SZT2: variants seen among roughly 807,000 people sequenced by gnomAD.
SZT2 encodes the protein SZT2 subunit of KICSTOR complex, also known as KICSTOR complex protein SZT2.
A neutral mutation model predicts 404.2 loss-of-function variants in SZT2; 216 were observed. The observed-to-expected ratio is 0.53, with a 90% CI of 0.48 to 0.60. The LOEUF is 0.60. Ranked by LOEUF, SZT2 falls within the 20% of genes least tolerant of loss-of-function variation. The probability of loss-of-function intolerance (pLI) is 0.00; values close to 1 mark genes in which losing one functional copy is unlikely to be tolerated. For synonymous variants in SZT2, 1,693 were observed against 1,749.9 expected, an observed-to-expected ratio of 0.97 and a Z score of 0.81; for missense variants, 3,857 against 4,459.2, an observed-to-expected ratio of 0.86 and a Z score of 3.85.
In SZT2 at chr1:43,448,741, G is replaced by C. The variant is rs1327504685; in HGVS notation, c.10086+13G>C. The C allele has an allele frequency of 3.1e-6, 5 of 1,609,332 alleles. No individual in the cohort carries two copies. The highest frequency in any genetic ancestry group is 2.7e-5 in the African/African-American group (2 of 74,818). ...AACTCAGTACCTGGTAAGTCCCCTT[G>C]AGCTTCCTCTGAAAAGGGAAACACA... On this transcript the variant is annotated intron_variant, in intron 70 of 71. Coordinates refer to ENST00000634258, the MANE Select transcript of SZT2 (RefSeq NM_001365999.1). The surrounding 1 kb of genome is among the most constrained non-coding windows in gnomAD (Gnocchi z 4.2).
At chr1:43,429,589 A>G in intron 28 of SZT2, 114 bp from the exon 29 acceptor site, 1 of 1,335,662 alleles carries the variant, frequency 7.5e-7, no homozygotes, top group East Asian at 2.3e-5. Flanking sequence ...CCATTACGCT[A>G]AGTACTCTTC....
rs370642850 is a variant in SZT2 at position 43,439,209 on chromosome 1, C to T, written c.6792+116C>T. ...ACCTTTGCCCATGGACCTGGGTACA[C>T]CCATGCCCCCCCGGGGACCATTATT... On this transcript the variant is annotated intron_variant, in intron 48 of 71. Coordinates refer to ENST00000634258, the MANE Select transcript of SZT2 (RefSeq NM_001365999.1). This position sits in a 1 kb window ranked among gnomAD's most constrained non-coding sequence, Gnocchi z 4.2. 30 of 1,538,416 alleles carry T rather than the reference C, an allele frequency of 2.0e-5. No individual in the cohort carries two copies. The African/African-American group carries it at 3.9e-4, about 20-fold the overall frequency.
rs761294812 is a variant in SZT2 at position 43,442,121 on chromosome 1, A to G, written c.7864A>G (p.Thr2622Ala). 2.3e-5 allele frequency: 29 copies of G among 1,243,090 alleles called. No homozygotes were observed. Among genetic ancestry groups the G allele is most frequent in the African/African-American group, 3.1e-5 (2 of 63,952 alleles). The allele number at this position is 1,243,090 out of a possible 1,614,324, so 77.0% of individuals were successfully genotyped here. Residue 2622 changes from threonine to alanine, a missense_variant, in exon 56 of 72, where the codon ACA becomes GCA. Physicochemically the swap from Thr to Ala is moderately conservative, Grantham distance 58. Transcript: ENST00000634258. The surrounding 1 kb of genome is among the most constrained non-coding windows in gnomAD (Gnocchi z 4.5). Reference sequence around the variant, plus strand: ...GAACTTCTTGCAGTGGAGGAGACCAACACAGCAGGGTGAGGGCATGGCCCG... The same window carrying G: ...GAACTTCTTGCAGTGGAGGAGACCAGCACAGCAGGGTGAGGGCATGGCCCG... ...GRNFLQWRRP[T>A]QQAAKAMQRF...
Position 43,430,493 on chromosome 1 carries a change from T to C in SZT2, c.4481-3T>C. On this transcript the variant is annotated splice_polypyrimidine_tract_variant and splice_region_variant and intron_variant, in intron 31 of 71. Transcript: ENST00000634258. ...TCATTGACCATGTGACATGCACTAC[T>C]AGGAGACACATCTGCCTGCTGTGTG... 1 of 1,613,752 alleles carries C rather than the reference T, an allele frequency of 6.2e-7. No homozygotes were observed. The highest frequency in any genetic ancestry group is 8.5e-7 in the Non-Finnish European group (1 of 1,179,728).
chr1:43,416,082 A>G lies in SZT2; in HGVS notation c.753A>G (p.Leu251=), dbSNP rs914015946. 1.9e-5 allele frequency: 31 copies of G among 1,598,238 alleles called. No homozygotes were observed. The highest frequency in any genetic ancestry group is 2.5e-5 in the Non-Finnish European group (30 of 1,179,762). The stretch of plus-strand genomic sequence containing the variant: ...AGGGCATCTTGGCACTGCAGTTACT[A>G]CCCTCGAACTCTAGTGCAGGTCAGT... ...IRQGILALQL[L]PSNSSAGIIV... is the part of the protein sequence containing the mutation. The change falls in exon 6 of 72, where the codon CTA becomes CTG. Residue 251 remains leucine (L), a synonymous_variant. Coordinates refer to ENST00000634258, the MANE Select transcript of SZT2 (RefSeq NM_001365999.1).
intron 52 of SZT2, 54 bp downstream of exon 52, chr1:43,440,640 C>G: frequency 6.7e-7 from 1 of 1,492,596 alleles, no homozygotes; most frequent in Non-Finnish European, 8.9e-7. Context: ...CCTCCTAGCT[C>G]CTCCCACACT....
At chr1:43,403,407 G>A (rs1356008935) in intron 2 of SZT2, 105 bp downstream of exon 2, 2 of 1,490,086 alleles carry the variant, frequency 1.3e-6, no homozygotes, top group Admixed American at 2.3e-5. Flanking sequence ...CTTAAGTCTG[G>A]TTAGGGCAAG....
Position 43,435,284 on chromosome 1 carries a change from G to T in SZT2, c.5989G>T (p.Glu1997Ter). The T allele has an allele frequency of 6.2e-7, 1 of 1,614,210 alleles. No homozygotes were observed. The highest frequency in any genetic ancestry group is 8.5e-7 in the Non-Finnish European group (1 of 1,180,034). ...AESEEDLWRS[E>*]TPFHSRQRAP... Reference sequence around the variant, plus strand: ...GAGTGAAGAAGATCTGTGGCGCAGTGAGACTCCCTTCCACTCCCGTCAGCG... The same window carrying T: ...GAGTGAAGAAGATCTGTGGCGCAGTTAGACTCCCTTCCACTCCCGTCAGCG... The change falls in exon 42 of 72, where the codon GAG (glutamate) becomes TAG (stop). Residue 1997 changes from glutamate to a stop codon, truncating the protein, a stop_gained. Coordinates refer to ENST00000634258, the MANE Select transcript of SZT2 (RefSeq NM_001365999.1). LOFTEE classifies it high-confidence loss of function.
At chr1:43,419,475 T>G (rs555500611) in intron 7 of SZT2, among the ~76,000 whole-genome samples, 1 of 152,174 alleles carries the variant, frequency 6.6e-6, no homozygotes, top group Admixed American at 6.5e-5. Flanking sequence ...CCAAAATCTT[T>G]AGTGAAGGAG....
chr1:43,444,744 C>T (rs1655478010), intron 62 of SZT2, among the ~76,000 whole-genome samples: 1 of 152,192 alleles, frequency 6.6e-6, no homozygotes, highest in Non-Finnish European at 1.5e-5. Flanking sequence ...CTCTATGTTC[C>T]TCTCCAGATT....
Position 43,437,368 on chromosome 1 carries a change from G to A in SZT2, c.6188-38G>A, listed in dbSNP as rs1432874291. Reference sequence around the variant, plus strand: ...GGGCAGGTGAGCATTGGAAGGATCTGGAAAAGGCAGTTTCCTGAGCCCATG... The same window carrying A: ...GGGCAGGTGAGCATTGGAAGGATCTAGAAAAGGCAGTTTCCTGAGCCCATG... On this transcript the variant is annotated intron_variant, in intron 43 of 71. Coordinates refer to ENST00000634258, the MANE Select transcript of SZT2 (RefSeq NM_001365999.1). The surrounding 1 kb of genome is among the most constrained non-coding windows in gnomAD (Gnocchi z 5.3). 4 of 1,614,096 alleles carry A rather than the reference G, an allele frequency of 2.5e-6. No homozygotes were observed. The Admixed American group carries it at 5.0e-5, about 20-fold the overall frequency.
At chr1:43,414,937 T>G in intron 4 of SZT2, 145 bp from the exon 5 acceptor site, 1 of 967,794 alleles carries the variant, frequency 1.0e-6, no homozygotes, top group Non-Finnish European at 1.5e-6. Context: ...AAGGGGGAAA[T>G]TGGCTGTGGA....
chr1:43,453,367 G>T lies in SZT2; in HGVS notation c.*2887G>T. The T allele has an allele frequency of 6.7e-7, 1 of 1,491,866 alleles. No homozygotes were observed. Among genetic ancestry groups the T allele is most frequent in the Non-Finnish European group, 9.1e-7 (1 of 1,096,902 alleles). The allele number at this position is 1,491,866 out of a possible 1,614,324, so 92.4% of individuals were successfully genotyped here. ...AGGGTCATGGGTCACAGGGGTGGGG[G>T]TGGGGTGGAGCGGGGTACCTGGGAC... On this transcript the variant is annotated 3_prime_UTR_variant, in exon 72 of 72. Transcript: ENST00000634258.
In SZT2 at chr1:43,426,206, A is replaced by G; in HGVS notation, c.3043+55A>G. ...CACCTAAAGGGCCAGCAAGCCTGGA[A>G]GTATTAGAAAATAACAAACAGATGG... On this transcript the variant is annotated intron_variant, in intron 21 of 71. Transcript: ENST00000634258. The surrounding 1 kb of genome is among the most constrained non-coding windows in gnomAD (Gnocchi z 4.9). 1 of 1,580,976 alleles carries G rather than the reference A, an allele frequency of 6.3e-7. No individual in the cohort carries two copies. The highest frequency in any genetic ancestry group is 8.6e-7 in the Non-Finnish European group (1 of 1,157,854).
Position 43,423,143 on chromosome 1 carries a change from C to G in SZT2, c.2082C>G (p.Pro694=), listed in dbSNP as rs369851351. 4.4e-6 allele frequency: 7 copies of G among 1,596,680 alleles called. No homozygotes were observed. In the African/African-American group the frequency reaches 6.7e-5, roughly 15 times the overall value. The change falls in exon 15 of 72, where the codon CCC becomes CCG. Residue 694 remains proline, a synonymous_variant. Transcript: ENST00000634258. Reference sequence around the variant, plus strand: ...AAGAGATCCTGCGGCTGCGTTTCCCCCACCGGGTACAAAGCAAGGAGCCAA... The same window carrying G: ...AAGAGATCCTGCGGCTGCGTTTCCCGCACCGGGTACAAAGCAAGGAGCCAA... The part of the protein sequence containing the change: ...LREEILRLRF[P]HRVQSKEPTP...
At chr1:43,427,006 G>A in intron 23 of SZT2, 50 bp from the exon 24 acceptor site, 1 of 1,608,466 alleles carries the variant, frequency 6.2e-7, no homozygotes, top group Middle Eastern at 1.7e-4. Flanking sequence ...GGGGAACAGG[G>A]GTTGGACATT....
chr1:43,432,570 C>T lies in SZT2; in HGVS notation c.5496C>T (p.Val1832=), dbSNP rs1388431445. 1 of 1,613,654 alleles carries T rather than the reference C, an allele frequency of 6.2e-7. No homozygotes were observed. The highest frequency in any genetic ancestry group is 8.5e-7 in the Non-Finnish European group (1 of 1,179,762). ...GGTCCCCAGAGGATTCTGAGGGTGT[C>T]CCCCTCATCAGCCTGCCCCGCGTGC... ...APGSPEDSEG[V]PLISLPRVPQ... is the part of the protein sequence containing the mutation. The change falls in exon 38 of 72, where the codon GTC becomes GTT. Residue 1832 remains valine, a synonymous_variant. Transcript: ENST00000634258.
intron 1 of SZT2, among the ~76,000 whole-genome samples, chr1:43,400,741 G>A (rs1464447711): frequency 6.6e-6 from 1 of 151,942 alleles, no homozygotes; most frequent in East Asian, 1.9e-4. Flanking sequence ...GCTTGGTGGC[G>A]GGTGCCTGTA....
rs900976634 is a variant in SZT2 at position 43,442,010 on chromosome 1, C to T, written c.7753C>T (p.Pro2585Ser). The change falls in exon 56 of 72, where the codon CCA (proline) becomes TCA (serine). Residue 2585 changes from proline (P) to serine (S), a missense_variant. Physicochemically the swap from Pro to Ser is moderately conservative, Grantham distance 74. Transcript: ENST00000634258. The surrounding 1 kb of genome is among the most constrained non-coding windows in gnomAD (Gnocchi z 4.5). ...CCTCCCTTTCAATAGGGGTTCAGAG[C>T]CAGAGATCTTCGGCCCTTGTTCCCC... is the stretch of plus-strand genomic sequence containing the variant. ...RIFEQHLGSE[P>S]EIFGPCSPGQ... 15 of 1,612,820 alleles carry T rather than the reference C, an allele frequency of 9.3e-6. No individual in the cohort carries two copies. Among genetic ancestry groups the T allele is most frequent in the Non-Finnish European group, 1.2e-5 (14 of 1,179,312 alleles).
Sources: gnomAD v4.1 joint callset for allele counts (sites outside exome capture counted in the v4.1 genomes callset) on GRCh38, gnomAD v4.1.1 for gene constraint, Gnocchi (gnomAD v3.1) non-coding constraint, MANE v1.5 for transcripts, NCBI Gene and HGNC (gene_info 2026-07-23, HGNC 2026-07-21) for gene names.